Variants in ERC2 observed in about 807,000 individuals in gnomAD.
ERC2 encodes ELKS/RAB6-interacting/CAST family member 2, also known as ERC protein 2.
A neutral mutation model predicts 114.8 loss-of-function variants in ERC2; 42 were observed. The ratio of observed to expected loss-of-function variants is 0.37; its 90% CI spans 0.29 to 0.47. The LOEUF is 0.47. Among genes scored for constraint, ERC2 ranks in the 20% least tolerant of loss-of-function variants. ERC2 has a pLI of 0.99. For synonymous variants in ERC2, 454 were observed against 425.5 expected (o/e 1.07, Z -0.82); for missense variants, 939 against 1,150.7 (o/e 0.82, Z 2.66).
chr3:55,633,576 C>T (rs2059840438), intron 17 of ERC2, among the ~76,000 whole-genome samples: 1 of 152,282 alleles, frequency 6.6e-6, no homozygotes, highest in Non-Finnish European at 1.5e-5. Flanking sequence ...GTTTATTTAA[C>T]AGGTATTGAG....
intron 4 of ERC2, 83 bp downstream of exon 4, chr3:56,173,363 A>G: frequency 7.6e-7 from 1 of 1,323,886 alleles, no homozygotes; most frequent in South Asian, 1.2e-5. Flanking sequence ...CACAAGGTTC[A>G]TTTCATGTTT....
chr3:55,554,566 G>A (rs1575569598), intron 17 of ERC2, among the ~76,000 whole-genome samples: 1 of 152,358 alleles, frequency 6.6e-6, no homozygotes, highest in African/African-American at 2.4e-5. Flanking sequence ...CTCCTGGGGT[G>A]TGGATGGTCT....
chr3:56,138,144 C>T (rs1194766660), intron 6 of ERC2, among the ~76,000 whole-genome samples: 1 of 144,314 alleles, frequency 6.9e-6, no homozygotes, highest in African/African-American at 2.6e-5. Context: ...ACTGCAAGCT[C>T]TGCCTCCTGG....
At chr3:55,606,155 T>G (rs896524351) in intron 17 of ERC2, among the ~76,000 whole-genome samples, 1 of 152,138 alleles carries the variant, frequency 6.6e-6, no homozygotes, top group Non-Finnish European at 1.5e-5. Flanking sequence ...CAACAACAGA[T>G]AGTCCAAACT....
At chr3:56,184,419 C>T (rs1358835821) in intron 3 of ERC2, among the ~76,000 whole-genome samples, 1 of 152,026 alleles carries the variant, frequency 6.6e-6, no homozygotes, top group Non-Finnish European at 1.5e-5. Context: ...AATATAAGAC[C>T]ACAAATGTTA....
rs376629102 is a variant in ERC2 at position 56,296,325 on chromosome 3, G to T, written c.768C>A (p.Ile256=). Residue 256 remains isoleucine (I), a synonymous_variant, in exon 3 of 18, where the codon ATC becomes ATA. Transcript: ENST00000288221. ...GCCTAAAGTTCTCCTCGGTCAGCTC[G>T]ATGGTGAAGTGCTCCGCTCCTCGGT... The part of the protein sequence containing the change: ...SGNRGAEHFT[I]ELTEENFRRL... 1 of 1,614,036 alleles carries T rather than the reference G, an allele frequency of 6.2e-7. No individual in the cohort carries two copies. Among genetic ancestry groups the T allele is most frequent in the Admixed American group, 1.7e-5 (1 of 60,026 alleles).
intron 7 of ERC2, among the ~76,000 whole-genome samples, chr3:56,077,036 T>C (rs1280583769): frequency 6.6e-6 from 1 of 152,220 alleles, no homozygotes; most frequent in African/African-American, 2.4e-5. Context: ...TATTCTTCCA[T>C]GCCAACACAC....
chr3:55,606,432 C>G (rs549498862), intron 17 of ERC2, among the ~76,000 whole-genome samples: 1 of 150,526 alleles, frequency 6.6e-6, no homozygotes, highest in African/African-American at 2.5e-5. Flanking sequence ...AAATCATAGG[C>G]CTTGGAAAGC....
chr3:55,535,314 T>G (rs1393551602), intron 17 of ERC2, among the ~76,000 whole-genome samples: 2 of 152,194 alleles, frequency 1.3e-5, no homozygotes, highest in African/African-American at 4.8e-5. Flanking sequence ...TAAGCCAACT[T>G]GCTGGAATTC....
chr3:56,131,894 T>C (rs146209729), intron 6 of ERC2, among the ~76,000 whole-genome samples: 17 of 152,338 alleles, frequency 1.1e-4, no homozygotes, highest in African/African-American at 2.2e-4. Flanking sequence ...ATATGTTAAT[T>C]ACCATGAATT....
intron 3 of ERC2, among the ~76,000 whole-genome samples, chr3:56,280,564 C>T (rs1289707311): frequency 6.6e-6 from 1 of 152,086 alleles, no homozygotes; most frequent in Non-Finnish European, 1.5e-5. Flanking sequence ...GTTTCTGCAA[C>T]CCACAGGAAG....
chr3:56,304,531 C>G (rs1386275877), intron 2 of ERC2, among the ~76,000 whole-genome samples: 1 of 85,870 alleles, frequency 1.2e-5, no homozygotes, highest in African/African-American at 4.5e-5. Flanking sequence ...TTCTGTGAGA[C>G]TTGATCATCT....
intron 15 of ERC2, among the ~76,000 whole-genome samples, chr3:55,716,565 C>A (rs557596866): frequency 6.2e-4 from 94 of 152,298 alleles, no homozygotes; most frequent in Middle Eastern, 3.4e-3. Flanking sequence ...CAGCAAGCCG[C>A]TTGATATCAA....
At chr3:56,412,160 A>T (rs1047444686) in intron 2 of ERC2, among the ~76,000 whole-genome samples, 6 of 152,196 alleles carry the variant, frequency 3.9e-5, no homozygotes, top group Middle Eastern at 6.3e-3. Context: ...AGGTGATGTG[A>T]AGACAGAGGC....
At chr3:56,306,059 G>C (rs548787111) in intron 2 of ERC2, among the ~76,000 whole-genome samples, 1 of 152,102 alleles carries the variant, frequency 6.6e-6, no homozygotes, top group South Asian at 2.1e-4. Context: ...GTGTTGCCCA[G>C]GCTGTTCTCG....
chr3:55,943,496 A>G (rs2149430664), intron 13 of ERC2, among the ~76,000 whole-genome samples: 1 of 150,116 alleles, frequency 6.7e-6, no homozygotes, highest in African/African-American at 2.4e-5. Flanking sequence ...GGCTTGGTCT[A>G]ATCTTCACAG....
chr3:55,614,020 A>G (rs951855639), intron 17 of ERC2, among the ~76,000 whole-genome samples: 6 of 139,690 alleles, frequency 4.3e-5, no homozygotes, highest in South Asian at 4.7e-4. Flanking sequence ...AAAAGAAGAC[A>G]TGGCTGGGCT....
chr3:55,958,110 G>A (rs565648938), intron 12 of ERC2, among the ~76,000 whole-genome samples: 1 of 152,340 alleles, frequency 6.6e-6, no homozygotes, highest in East Asian at 1.9e-4. Flanking sequence ...GCTTCACTGA[G>A]TGACAGAACG....
chr3:56,413,225 T>C (rs531710915), intron 2 of ERC2, among the ~76,000 whole-genome samples: 1 of 152,234 alleles, frequency 6.6e-6, no homozygotes. Flanking sequence ...TGCTCTGGCA[T>C]GGTGACCACT....
Sources: gnomAD v4.1 joint callset for allele counts (sites outside exome capture counted in the v4.1 genomes callset) on GRCh38, gnomAD v4.1.1 for gene constraint, MANE v1.5 for transcripts, NCBI Gene and HGNC (gene_info 2026-07-23, HGNC 2026-07-21) for gene names.